The following KLHL32 variants were observed in gnomAD, a reference collection of about 807,000 sequenced individuals.
The protein encoded by KLHL32 is kelch-like protein 32.
A neutral mutation model predicts 64.8 loss-of-function variants in KLHL32; 35 were observed. That is an observed-to-expected ratio of 0.54 (90% CI 0.41 to 0.72). KLHL32 has a LOEUF of 0.72. KLHL32 is among the 30% of genes least tolerant of loss of function. The pLI is 0.00. For synonymous variants in KLHL32, 259 were observed against 281.0 expected (o/e 0.92, Z 0.78); for missense variants, 589 against 768.5 (o/e 0.77, Z 2.76).
At chr6:97,124,931 A>G (rs1207000273) in intron 7 of KLHL32, among the ~76,000 whole-genome samples, 2 of 152,164 alleles carry the variant, frequency 1.3e-5, no homozygotes, top group Non-Finnish European at 2.9e-5. Context: ...CCCTATATTT[A>G]TTTTGACACA....
At chr6:96,910,127 C>T in the KLHL32 span, among the ~76,000 whole-genome samples, 1 of 152,146 alleles carries the variant, frequency 6.6e-6, no homozygotes. Flanking sequence ...CCCACATTTA[C>T]CATTGACTGC....
At chr6:96,898,690 G>A in the KLHL32 span, among the ~76,000 whole-genome samples, 1 of 151,062 alleles carries the variant, frequency 6.6e-6, no homozygotes, top group East Asian at 1.9e-4. Flanking sequence ...ACAATAAGAC[G>A]TCAGAAAAAA....
chr6:97,038,690 T>G (rs1784652695), intron 3 of KLHL32, among the ~76,000 whole-genome samples: 1 of 151,938 alleles, frequency 6.6e-6, no homozygotes, highest in South Asian at 2.1e-4. Flanking sequence ...AATCAGTATA[T>G]ATATAAATAT....
intron 3 of KLHL32, among the ~76,000 whole-genome samples, chr6:96,989,507 C>T (rs773411727): frequency 2.0e-5 from 3 of 152,012 alleles, no homozygotes; most frequent in Non-Finnish European, 4.4e-5. Context: ...GTGATTTGCC[C>T]TTTATCTCTA....
chr6:96,976,057 C>T lies in KLHL32; in HGVS notation c.84C>T (p.Val28=), dbSNP rs745467050. Residue 28 remains valine (V), a synonymous_variant, in exon 3 of 11, where the codon GTC becomes GTT. Coordinates refer to ENST00000369261, the MANE Select transcript of KLHL32 (RefSeq NM_052904.4). ...ACTCCGAATCTCACAATGACAGTGT[C>T]CTGGCAGCGCTGAATCAGCAGAGGA... ...LCHSESHNDS[V]LAALNQQRSD... is the part of the protein sequence containing the mutation. The T allele has an allele frequency of 3.5e-5, 56 of 1,607,426 alleles. No individual in the cohort carries two copies. Among genetic ancestry groups the T allele is most frequent in the Non-Finnish European group, 4.3e-5 (51 of 1,175,578 alleles).
chr6:96,990,858 G>A (rs1056601485), intron 3 of KLHL32, among the ~76,000 whole-genome samples: 2 of 152,156 alleles, frequency 1.3e-5, no homozygotes, highest in South Asian at 2.1e-4. Context: ...TTCTGGAGGT[G>A]TAGGTAAAGC....
intron 6 of KLHL32, among the ~76,000 whole-genome samples, chr6:97,087,887 C>G (rs1356305839): frequency 6.6e-6 from 1 of 152,194 alleles, no homozygotes; most frequent in Non-Finnish European, 1.5e-5. Context: ...CTGTTCCTTA[C>G]CCAAGCCCTT....
chr6:97,075,380 T>C (rs1791439074), intron 5 of KLHL32, among the ~76,000 whole-genome samples: 1 of 152,226 alleles, frequency 6.6e-6, no homozygotes, highest in Non-Finnish European at 1.5e-5. Context: ...TGTATGTTTA[T>C]ACATATAAAC....
At chr6:96,901,069 T>C in the KLHL32 span, among the ~76,000 whole-genome samples, 1 of 152,306 alleles carries the variant, frequency 6.6e-6, no homozygotes, top group South Asian at 2.1e-4. Context: ...AGTATTCATA[T>C]TGAGGAACAC....
chr6:97,114,664 T>C (rs1797632811), intron 7 of KLHL32, 155 bp downstream of exon 7: 4 of 789,992 alleles, frequency 5.1e-6, no homozygotes, highest in Non-Finnish European at 6.1e-6. Flanking sequence ...GCACCTACTC[T>C]AGAGAGCAAT....
chr6:97,006,281 ATTG>A (rs1779652469), intron 3 of KLHL32, among the ~76,000 whole-genome samples: 1 of 152,052 alleles, frequency 6.6e-6, no homozygotes, highest in Admixed American at 6.6e-5. Context: ...GTCTTTTTAA[ATTG>A]TTGTTGTTGA....
intron 1 of KLHL32, among the ~76,000 whole-genome samples, chr6:96,944,509 C>T (rs1771706966): frequency 6.6e-6 from 1 of 152,160 alleles, no homozygotes; most frequent in South Asian, 2.1e-4. Context: ...TACAATGGCC[C>T]CATCTGCCAT....
In KLHL32 at chr6:97,120,718, G is replaced by C. The variant is rs141063126; in HGVS notation, c.1354+6209G>C. Among the ~76,000 whole-genome samples, 40 of 152,252 alleles carry C rather than the reference G, an allele frequency of 2.6e-4. No individual in the cohort carries two copies. In the East Asian group the frequency reaches 6.8e-3, roughly 26 times the overall value. On this transcript the variant is annotated intron_variant, in intron 7 of 10. Coordinates refer to ENST00000369261, the MANE Select transcript of KLHL32 (RefSeq NM_052904.4). ...ATGCCCCCTTGTTGTCCCTGGAGGC[G>C]GCCATGATGTGAGGAAGCCACTTGC...
At chr6:97,060,937 G>A (rs1466091289) in intron 4 of KLHL32, among the ~76,000 whole-genome samples, 1 of 152,098 alleles carries the variant, frequency 6.6e-6, no homozygotes, top group Non-Finnish European at 1.5e-5. Context: ...ATCAGTCGTG[G>A]CCCTCTCCTT....
intron 3 of KLHL32, among the ~76,000 whole-genome samples, chr6:97,033,634 A>G (rs1783900488): frequency 6.6e-6 from 1 of 152,058 alleles, no homozygotes; most frequent in African/African-American, 2.4e-5. Flanking sequence ...ACCAATTTAC[A>G]TTACAACCAA....
chr6:97,008,007 C>G (rs1344692195), intron 3 of KLHL32, among the ~76,000 whole-genome samples: 1 of 152,076 alleles, frequency 6.6e-6, no homozygotes, highest in African/African-American at 2.4e-5. Flanking sequence ...TGTGAATTGC[C>G]TGGGATGTGG....
At chr6:97,038,967 G>A (rs1784696198) in intron 3 of KLHL32, among the ~76,000 whole-genome samples, 1 of 151,680 alleles carries the variant, frequency 6.6e-6, no homozygotes, top group Non-Finnish European at 1.5e-5. Flanking sequence ...GCACGTGCCT[G>A]TAGCCCCAGC....
chr6:97,003,272 G>A (rs999880452), intron 3 of KLHL32, among the ~76,000 whole-genome samples: 4 of 152,030 alleles, frequency 2.6e-5, no homozygotes, highest in Non-Finnish European at 4.4e-5. Flanking sequence ...TTTTTCATAT[G>A]CTTGTTAGCA....
chr6:97,051,798 G>A (rs1786952099), intron 4 of KLHL32, among the ~76,000 whole-genome samples: 1 of 152,104 alleles, frequency 6.6e-6, no homozygotes, highest in African/African-American at 2.4e-5. Context: ...TTCATAAGAA[G>A]ATATCAGCCT....
Sources: gnomAD v4.1 joint callset for allele counts (sites outside exome capture counted in the v4.1 genomes callset) on GRCh38, gnomAD v4.1.1 for gene constraint, MANE v1.5 for transcripts, NCBI Gene and HGNC (gene_info 2026-07-23, HGNC 2026-07-21) for gene names.